Variants in MRPL22 observed in about 807,000 individuals in gnomAD.
MRPL22 encodes the protein mitochondrial ribosomal protein L22, also known as large ribosomal subunit protein uL22m.
MRPL22 carries 27 observed loss-of-function variants against 32.4 expected under a neutral mutation model. The observed-to-expected ratio is 0.83, with a 90% CI of 0.61 to 1.15. The LOEUF (loss-of-function observed/expected upper bound fraction) is 1.15, where lower values mean the gene tolerates loss of function less well. MRPL22 is among the 50% of genes most tolerant of loss of function. MRPL22 has a pLI of 0.00. For synonymous variants in MRPL22, 86 were observed against 87.3 expected, an observed-to-expected ratio of 0.99 and a Z score of 0.08; for missense variants, 239 against 260.2, an observed-to-expected ratio of 0.92 and a Z score of 0.56.
Position 154,941,124 on chromosome 5 carries a change from T to C in MRPL22, c.14T>C (p.Val5Ala). The stretch of plus-strand genomic sequence containing the variant: ...GGAGGGCGAAAGATGGCGGCGGCAG[T>C]ACTGGGACAGTTGGGTAAGGATTTC... MAAA[V>A]LGQLGALWIH... is the part of the protein sequence containing the mutation. Residue 5 changes from valine to alanine, a missense_variant, in exon 1 of 7, where the codon GTA (valine) becomes GCA (alanine). By Grantham distance (64) the Val-to-Ala change is moderately conservative. Transcript: ENST00000523037. 1 of 1,614,028 alleles carries C rather than the reference T, an allele frequency of 6.2e-7. No individual in the cohort carries two copies.
At chr5:154,960,136 C>T in intron 6 of MRPL22, 87 bp downstream of exon 6, 6 of 926,110 alleles carry the variant, frequency 6.5e-6, no homozygotes, top group South Asian at 1.5e-5. Flanking sequence ...TAATATCTAA[C>T]TCCTCAGGAC....
At chr5:154,959,826 C>T (rs1026387562) in intron 5 of MRPL22, among the ~76,000 whole-genome samples, 154 bp from the exon 6 acceptor site, 1 of 152,146 alleles carries the variant, frequency 6.6e-6, no homozygotes, top group Non-Finnish European at 1.5e-5. Flanking sequence ...CTCCCTTCTC[C>T]TTTGTACTCT....
At chr5:154,957,360 C>T (rs1764644267) in intron 5 of MRPL22, 148 bp downstream of exon 5, 1 of 613,992 alleles carries the variant, frequency 1.6e-6, no homozygotes, top group East Asian at 2.8e-5. Flanking sequence ...TTAGGGTTCT[C>T]AGTTTATTAA....
intron 5 of MRPL22, among the ~76,000 whole-genome samples, chr5:154,957,450 GTTT>G (rs971903136): frequency 6.6e-6 from 1 of 152,000 alleles, no homozygotes; most frequent in Non-Finnish European, 1.5e-5. Context: ...ATATTTATCT[GTTT>G]TTTACTGCTT....
intron 2 of MRPL22, among the ~76,000 whole-genome samples, chr5:154,948,505 A>G (rs535342743): frequency 6.6e-6 from 1 of 152,228 alleles, no homozygotes; most frequent in Admixed American, 6.5e-5. Context: ...GTGCATCCCC[A>G]TGATATTACG....
At chr5:154,950,730 A>G in intron 2 of MRPL22, 91 bp from the exon 3 acceptor site, 1 of 824,746 alleles carries the variant, frequency 1.2e-6, no homozygotes, top group Admixed American at 2.2e-5. Flanking sequence ...GTTTTCATCA[A>G]AATGGAGCTG....
intron 6 of MRPL22, among the ~76,000 whole-genome samples, chr5:154,962,143 A>G (rs1307696491): frequency 6.6e-6 from 1 of 152,214 alleles, no homozygotes; most frequent in Non-Finnish European, 1.5e-5. Context: ...AAGTATTTTG[A>G]TGCCTAATTC....
intron 2 of MRPL22, among the ~76,000 whole-genome samples, chr5:154,948,493 G>A (rs1362577099): frequency 6.6e-6 from 1 of 151,988 alleles, no homozygotes. Flanking sequence ...GGATTTTACC[G>A]AGTGCATCCC....
At chr5:154,953,461 C>G (rs999213539) in intron 3 of MRPL22, among the ~76,000 whole-genome samples, 1 of 149,770 alleles carries the variant, frequency 6.7e-6, no homozygotes, top group Non-Finnish European at 1.5e-5. Context: ...GCTTCAGTTT[C>G]CTTTTGCAGT....
chr5:154,952,811 C>A (rs1166802741), intron 3 of MRPL22, among the ~76,000 whole-genome samples: 1 of 152,132 alleles, frequency 6.6e-6, no homozygotes, highest in Non-Finnish European at 1.5e-5. Flanking sequence ...TTATCTCTAG[C>A]TGAAAAGAGG....
At chr5:154,965,528 G>A (rs746265190) in intron 6 of MRPL22, among the ~76,000 whole-genome samples, 2 of 151,390 alleles carry the variant, frequency 1.3e-5, no homozygotes, top group Non-Finnish European at 2.9e-5. Context: ...GGGTTCAAGC[G>A]ATTCTCTTGC....
At chr5:154,950,766 C>G (rs1442144120) in intron 2 of MRPL22, 55 bp from the exon 3 acceptor site, 3 of 1,140,946 alleles carry the variant, frequency 2.6e-6, no homozygotes, top group South Asian at 2.5e-5. Flanking sequence ...TATGTAAACT[C>G]TACAGAAAGG....
chr5:154,951,260 T>C (rs1186183942), intron 3 of MRPL22, among the ~76,000 whole-genome samples: 1 of 152,224 alleles, frequency 6.6e-6, no homozygotes, highest in African/African-American at 2.4e-5. Flanking sequence ...TGACTTAAAC[T>C]ATTGGCCAAT....
intron 2 of MRPL22, among the ~76,000 whole-genome samples, chr5:154,941,560 A>G (rs1342748939): frequency 6.6e-6 from 1 of 152,218 alleles, no homozygotes; most frequent in African/African-American, 2.4e-5. Flanking sequence ...GAAGCGTCCA[A>G]CTTTTCAAGT....
intron 2 of MRPL22, among the ~76,000 whole-genome samples, chr5:154,942,892 G>A (rs1273450019): frequency 1.3e-5 from 2 of 152,192 alleles, no homozygotes; most frequent in South Asian, 2.1e-4. Context: ...GAAGCTCTGA[G>A]CAAGAAACTT....
intron 2 of MRPL22, among the ~76,000 whole-genome samples, chr5:154,945,582 T>C (rs1764478146): frequency 6.6e-6 from 1 of 151,862 alleles, no homozygotes; most frequent in South Asian, 2.1e-4. Context: ...AGGGAGTGAG[T>C]GTAGATAGAA....
intron 3 of MRPL22, among the ~76,000 whole-genome samples, chr5:154,953,233 G>A (rs972055249): frequency 6.6e-6 from 1 of 151,966 alleles, no homozygotes; most frequent in Non-Finnish European, 1.5e-5. Flanking sequence ...GTGCACACCT[G>A]TAGTCCCAGC....
At chr5:154,954,766 A>G (rs1473400342) in intron 3 of MRPL22, among the ~76,000 whole-genome samples, 1 of 152,196 alleles carries the variant, frequency 6.6e-6, no homozygotes, top group Non-Finnish European at 1.5e-5. Context: ...CACCACAAGA[A>G]TGCACAAATT....
chr5:154,965,798 A>G (rs1764759724), intron 6 of MRPL22, among the ~76,000 whole-genome samples: 1 of 152,150 alleles, frequency 6.6e-6, no homozygotes, highest in Non-Finnish European at 1.5e-5. Context: ...GGGGAGCTGA[A>G]GGGGCCGTTG....
Sources: allele counts gnomAD v4.1 joint callset (sites outside exome capture counted in the v4.1 genomes callset), GRCh38; gene constraint gnomAD v4.1.1; transcripts MANE v1.5; gene names NCBI Gene and HGNC (gene_info 2026-07-23, HGNC 2026-07-21).